Variants in SVEP1 observed in about 807,000 individuals in gnomAD.
SVEP1 encodes sushi, von Willebrand factor type A, EGF and pentraxin domain containing 1.
SVEP1 carries 164 observed loss-of-function variants against 367.3 expected under a neutral mutation model. That is an observed-to-expected ratio of 0.45 (90% CI 0.39 to 0.51). The LOEUF is 0.51. SVEP1 is among the 20% of genes least tolerant of loss of function. The pLI is 0.00. For synonymous variants in SVEP1, 1,666 were observed against 1,611.6 expected (o/e 1.03, Z -0.81); for missense variants, 4,117 against 4,425.3 (o/e 0.93, Z 1.98).
chr9:110,385,894 T>C lies in SVEP1; in HGVS notation c.10237+4A>G. 2 of 1,611,424 alleles carry C rather than the reference T, an allele frequency of 1.2e-6. No individual in the cohort carries two copies. The highest frequency in any genetic ancestry group is 8.5e-7 in the Non-Finnish European group (1 of 1,178,778). On this transcript the variant is annotated splice_donor_region_variant and intron_variant, in intron 43 of 47. Transcript: ENST00000374469. ...CATGAACTGGCTTCCGCCTGCTGAC[T>C]TACTTTCACATTTGGCGCTTGTCTG... is the stretch of plus-strand genomic sequence containing the variant.
intron 40 of SVEP1, among the ~76,000 whole-genome samples, chr9:110,397,890 T>C (rs1564130391): frequency 2.0e-5 from 3 of 151,954 alleles, no homozygotes; most frequent in Non-Finnish European, 2.9e-5. Flanking sequence ...GTAGGAAGAA[T>C]CAATATCATG....
chr9:110,370,811 G>A (rs1007050174), intron 46 of SVEP1, among the ~76,000 whole-genome samples: 2 of 152,182 alleles, frequency 1.3e-5, no homozygotes, highest in Non-Finnish European at 2.9e-5. Flanking sequence ...CTCCCTGTAG[G>A]AAGGAAATAA....
Position 110,472,279 on chromosome 9 carries a change from C to G in SVEP1, c.2644G>C (p.Asp882His). The G allele has an allele frequency of 3.1e-6, 5 of 1,610,924 alleles. No homozygotes were observed. The highest frequency in any genetic ancestry group is 2.2e-5 in the East Asian group (1 of 44,690). The change falls in exon 15 of 48, where the codon GAT becomes CAT. Residue 882 changes from aspartate (D) to histidine (H), a missense_variant. Coordinates refer to ENST00000374469, the MANE Select transcript of SVEP1 (RefSeq NM_153366.4). ...TCTTGCACAGTGTCCAGGAAGTCAT[C>G]GTAAGAGTAATCCAGCCTATTAGCT... ...GAANRLDYSY[D>H]DFLDTVQETA...
intron 40 of SVEP1, among the ~76,000 whole-genome samples, chr9:110,395,359 A>ACATGG (rs1161956450): frequency 6.6e-6 from 1 of 152,222 alleles, no homozygotes. Context: ...GAAGCACTAA[A>ACATGG]CATGGAAAGG....
At chr9:110,453,726 G>A (rs577854785) in intron 22 of SVEP1, among the ~76,000 whole-genome samples, 18 of 151,788 alleles carry the variant, frequency 1.2e-4, no homozygotes, top group African/African-American at 3.1e-4. Flanking sequence ...AAAATTAGCC[G>A]GGCATGGTGG....
intron 27 of SVEP1, 52 bp downstream of exon 27, chr9:110,443,493 C>A (rs1275632161): frequency 7.3e-7 from 1 of 1,374,988 alleles, no homozygotes; most frequent in Non-Finnish European, 9.6e-7. Context: ...TCCATTTAAG[C>A]AGCATCACCT....
intron 3 of SVEP1, among the ~76,000 whole-genome samples, chr9:110,526,401 T>TA (rs1376161131): frequency 6.6e-6 from 1 of 152,054 alleles, no homozygotes; most frequent in East Asian, 1.9e-4. Flanking sequence ...GAAGAAAAGA[T>TA]ATAGATGGCA....
At position 110,482,381 on chromosome 9, in the gene SVEP1, T is replaced by C. The variant is rs1406437378; in HGVS notation, c.2150A>G (p.Asp717Gly). Residue 717 changes from aspartate (D) to glycine (G), a missense_variant, in exon 11 of 48, where the codon GAT (aspartate) becomes GGT (glycine). Physicochemically the swap from Asp to Gly is moderately conservative, Grantham distance 94. Transcript: ENST00000374469. ...TDPSGNNRTC[D>G]IHIVIKGSPC... is the part of the protein sequence containing the mutation. ...AATACCTTTTATGACAATATGGATA[T>C]CACATGTCCTGTTATTGCCTGAGGG... 3 of 1,612,382 alleles carry C rather than the reference T, an allele frequency of 1.9e-6. No homozygotes were observed. The South Asian group carries it at 3.3e-5, about 18-fold the overall frequency.
chr9:110,488,102 C>A (rs1829311694), intron 9 of SVEP1, among the ~76,000 whole-genome samples: 1 of 152,176 alleles, frequency 6.6e-6, no homozygotes, highest in Admixed American at 6.5e-5. Context: ...TAGGTGAAAC[C>A]AACAGCACCT....
intron 1 of SVEP1, among the ~76,000 whole-genome samples, chr9:110,576,217 ATAGG>A (rs1251598322): frequency 1.3e-5 from 2 of 148,758 alleles, no homozygotes. Context: ...ATACATAGTA[ATAGG>A]TAGTCTCACA....
rs1222925690 is a variant in SVEP1, at chr9:110,407,475, C to T, written c.8125G>A (p.Ala2709Thr). 6.2e-7 allele frequency: 1 copy of T among 1,613,982 alleles called. No individual in the cohort carries two copies. The highest frequency in any genetic ancestry group is 8.5e-7 in the Non-Finnish European group (1 of 1,179,894). ...CQEDGTWNGS[A>T]PSCISIECDL... ...CATTCAATTGAAATGCAGGATGGTG[C>T]ACTGCCATTCCAAGTTCCATCTTCC... The change falls in exon 38 of 48, where the codon GCA becomes ACA. Residue 2709 changes from alanine (A) to threonine (T), a missense_variant. Ala to Thr is a moderately conservative substitution (Grantham distance 58). This residue lies in a region of SVEP1 where 1,765 missense variants were observed against 1,781.1 expected (regional missense o/e 0.99). Coordinates refer to ENST00000374469, the MANE Select transcript of SVEP1 (RefSeq NM_153366.4).
intron 21 of SVEP1, among the ~76,000 whole-genome samples, chr9:110,456,107 G>A (rs1214456138): frequency 6.6e-6 from 1 of 152,208 alleles, no homozygotes; most frequent in Non-Finnish European, 1.5e-5. Context: ...AGGTGTCCCA[G>A]AGTGGCTGCA....
At chr9:110,400,129 TC>T (rs1385343438) in intron 40 of SVEP1, among the ~76,000 whole-genome samples, 4 of 152,174 alleles carry the variant, frequency 2.6e-5, no homozygotes, top group African/African-American at 9.7e-5. Context: ...GAACTTGGCA[TC>T]TCAATGCCAA....
intron 27 of SVEP1, chr9:110,442,690 C>T (rs1828527856): frequency 6.6e-6 from 1 of 152,070 alleles, no homozygotes; most frequent in South Asian, 2.1e-4. Context: ...GTCTCCAACT[C>T]CTGACCTCGT....
chr9:110,550,356 T>C (rs1204972783), intron 1 of SVEP1, among the ~76,000 whole-genome samples: 1 of 152,214 alleles, frequency 6.6e-6, no homozygotes, highest in Non-Finnish European at 1.5e-5. Flanking sequence ...AGCTTGCTAA[T>C]GAAGTACAAC....
intron 43 of SVEP1, among the ~76,000 whole-genome samples, chr9:110,380,261 G>T (rs1396023642): frequency 6.6e-6 from 1 of 152,116 alleles, no homozygotes; most frequent in African/African-American, 2.4e-5. Context: ...ATTCTGTGGT[G>T]GGCAAGGGTT....
At chr9:110,416,915 G>A (rs1488238296) in intron 36 of SVEP1, among the ~76,000 whole-genome samples, 1 of 152,034 alleles carries the variant, frequency 6.6e-6, no homozygotes, top group Non-Finnish European at 1.5e-5. Flanking sequence ...ACTATTAGAT[G>A]CTAGTAGCAT....
At chr9:110,430,553 C>T (rs141851210) in intron 32 of SVEP1, 103 bp from the exon 33 acceptor site, 12 of 1,287,032 alleles carry the variant, frequency 9.3e-6, no homozygotes, top group South Asian at 4.8e-5. Flanking sequence ...CTGTTAAAAT[C>T]GCAAGAGAAA....
At chr9:110,495,961 T>G (rs1249455623) in intron 8 of SVEP1, among the ~76,000 whole-genome samples, 12 of 152,148 alleles carry the variant, frequency 7.9e-5, no homozygotes, top group Admixed American at 7.9e-4. Context: ...AGTCCACATC[T>G]TTTCTTTTCT....
Sources: allele counts gnomAD v4.1 joint callset (sites outside exome capture counted in the v4.1 genomes callset), GRCh38; gene constraint gnomAD v4.1.1; regional missense constraint gnomAD v4.1.1; transcripts MANE v1.5; gene names NCBI Gene and HGNC (gene_info 2026-07-23, HGNC 2026-07-21).